Variants in DYNC1I2 observed in about 807,000 individuals in gnomAD.
The protein encoded by DYNC1I2 is dynein cytoplasmic 1 intermediate chain 2.
DYNC1I2 carries 53 observed loss-of-function variants against 88.6 expected under a neutral mutation model. That is an observed-to-expected ratio of 0.60 (90% CI 0.48 to 0.75). DYNC1I2 has a LOEUF of 0.75. Ranked by LOEUF, DYNC1I2 falls within the 30% of genes least tolerant of loss-of-function variation. The pLI is 0.00. For synonymous variants in DYNC1I2, 198 were observed against 254.6 expected, an observed-to-expected ratio of 0.78 and a Z score of 2.12; for missense variants, 458 against 766.6, an observed-to-expected ratio of 0.60 and a Z score of 4.75.
chr2:171,725,387 T>G (rs1688167953), intron 7 of DYNC1I2, among the ~76,000 whole-genome samples: 1 of 152,138 alleles, frequency 6.6e-6, no homozygotes, highest in African/African-American at 2.4e-5. Flanking sequence ...AGGTACCACA[T>G]AGGTATGTAT....
chr2:171,718,665 C>T (rs1380387356), intron 7 of DYNC1I2, among the ~76,000 whole-genome samples: 1 of 151,452 alleles, frequency 6.6e-6, no homozygotes, highest in East Asian at 2.0e-4. Context: ...GATCTCCTGA[C>T]CTCGTTATCC....
intron 5 of DYNC1I2, among the ~76,000 whole-genome samples, chr2:171,708,676 A>G (rs1212100421): frequency 6.6e-6 from 1 of 152,030 alleles, no homozygotes; most frequent in Non-Finnish European, 1.5e-5. Context: ...ATATTTTTAT[A>G]CAAATATGTC....
intron 7 of DYNC1I2, among the ~76,000 whole-genome samples, chr2:171,717,477 C>G (rs1203092074): frequency 6.6e-6 from 1 of 151,898 alleles, no homozygotes; most frequent in Non-Finnish European, 1.5e-5. Context: ...TTCATTCCTG[C>G]TGTTCCATTG....
chr2:171,718,573 A>G (rs1687680542), intron 7 of DYNC1I2, among the ~76,000 whole-genome samples: 1 of 152,044 alleles, frequency 6.6e-6, no homozygotes, highest in South Asian at 2.1e-4. Flanking sequence ...AGCTGGGACT[A>G]CAGGCACCCG....
intron 5 of DYNC1I2, among the ~76,000 whole-genome samples, chr2:171,710,502 G>A (rs1687037732): frequency 6.6e-6 from 1 of 152,134 alleles, no homozygotes; most frequent in Non-Finnish European, 1.5e-5. Flanking sequence ...AAAATATGCT[G>A]TCTAAACATG....
At chr2:171,718,390 C>G (rs1049734307) in intron 7 of DYNC1I2, among the ~76,000 whole-genome samples, 5 of 152,062 alleles carry the variant, frequency 3.3e-5, no homozygotes, top group Non-Finnish European at 7.4e-5. Flanking sequence ...CTGCTGTGTA[C>G]AACCCATTGT....
chr2:171,711,204 C>T (rs1441076064), intron 5 of DYNC1I2, among the ~76,000 whole-genome samples: 7 of 151,886 alleles, frequency 4.6e-5, no homozygotes, highest in South Asian at 2.1e-4. Context: ...GGTTTCATCG[C>T]GTTGGCCAGG....
At chr2:171,742,538 T>A (rs1689515884) in intron 15 of DYNC1I2, among the ~76,000 whole-genome samples, 1 of 152,200 alleles carries the variant, frequency 6.6e-6, no homozygotes, top group Non-Finnish European at 1.5e-5. Context: ...GACTATTCCT[T>A]TCCTATCTAA....
Position 171,715,241 on chromosome 2 carries a change from G to A in DYNC1I2, c.396-87G>A, listed in dbSNP as rs893109219. ...AAATGGATTGAAATTACAATGTTGGGTGCAAATGACTGTTTAATTCTTAAT... is the reference window on the plus strand; with the variant it reads ...AAATGGATTGAAATTACAATGTTGGATGCAAATGACTGTTTAATTCTTAAT... On this transcript the variant is annotated intron_variant, in intron 6 of 17. Coordinates refer to ENST00000397119, the MANE Select transcript of DYNC1I2 (RefSeq NM_001378.3). 1.1e-5 allele frequency: 8 copies of A among 741,762 alleles called. No homozygotes were observed. In the African/African-American group the frequency reaches 1.4e-4, roughly 13 times the overall value. The allele number at this position is 741,762 out of a possible 1,614,324, so 45.9% of individuals were successfully genotyped here. A position where few individuals can be genotyped will look rare whatever the true frequency, so the allele number is the denominator to read the frequency against.
At position 171,695,813 on chromosome 2, in the gene DYNC1I2, C is replaced by T. The variant is rs540345591; in HGVS notation, c.226+2919C>T. Among the ~76,000 whole-genome samples, 16 of 148,044 alleles carry T rather than the reference C, an allele frequency of 1.1e-4. 1 individual carries two copies. Among genetic ancestry groups the T allele is most frequent in the South Asian group, 2.1e-4 (1 of 4,724 alleles). ...AGAATGGCTACAAAGTTTACCCGCC[C>T]GCTACCAGTGCATGAAAAAGTAACT... is the stretch of plus-strand genomic sequence containing the variant. On this transcript the variant is annotated intron_variant, in intron 3 of 17. Transcript: ENST00000397119.
chr2:171,697,600 A>G (rs958607011), intron 3 of DYNC1I2, among the ~76,000 whole-genome samples: 14 of 151,728 alleles, frequency 9.2e-5, no homozygotes, highest in Admixed American at 7.2e-4. Context: ...ACGAAGAAAG[A>G]TATTTGGGAG....
At chr2:171,689,401 T>C (rs534405005) in intron 1 of DYNC1I2, among the ~76,000 whole-genome samples, 15 of 152,348 alleles carry the variant, frequency 9.8e-5, no homozygotes, top group African/African-American at 3.6e-4. Context: ...AAGTTCAGTT[T>C]GACCTATTGT....
In DYNC1I2 at chr2:171,725,682, T is replaced by C. The variant is rs771173640; in HGVS notation, c.576T>C (p.Thr192=). 2 of 1,579,956 alleles carry C rather than the reference T, an allele frequency of 1.3e-6. No individual in the cohort carries two copies. Among genetic ancestry groups the C allele is most frequent in the Admixed American group, 3.7e-5 (2 of 54,068 alleles). Residue 192 remains threonine (T), a synonymous_variant, in exon 8 of 18, where the codon ACT becomes ACC. Coordinates refer to ENST00000397119, the MANE Select transcript of DYNC1I2 (RefSeq NM_001378.3). ...CTATTGAACCTGAAGAAGAGAAAAC[T>C]TTAAAGAAAGATGAGGAAAATGATA... ...KPPIEPEEEK[T]LKKDEENDSK... is the part of the protein sequence containing the mutation.
At chr2:171,725,817 T>A in intron 8 of DYNC1I2, 102 bp from the exon 9 acceptor site, 1 of 1,297,026 alleles carries the variant, frequency 7.7e-7, no homozygotes, top group Non-Finnish European at 1.1e-6. Context: ...AATAAGTGAA[T>A]CTGATTGAAA....
intron 5 of DYNC1I2, among the ~76,000 whole-genome samples, chr2:171,710,872 T>A (rs559453750): frequency 6.6e-6 from 1 of 150,668 alleles, no homozygotes; most frequent in African/African-American, 2.5e-5. Context: ...CCAGCTACTT[T>A]TTTTTTTTTT....
At chr2:171,735,613 A>C (rs528389411) in intron 15 of DYNC1I2, among the ~76,000 whole-genome samples, 9 of 152,234 alleles carry the variant, frequency 5.9e-5, no homozygotes, top group Non-Finnish European at 1.3e-4. Context: ...TTAAACCAGT[A>C]AAGACAGGGC....
In DYNC1I2 at chr2:171,729,598, A is replaced by C. The variant is rs149702288; in HGVS notation, c.1392-111A>C. 588 of 1,101,124 alleles carry C rather than the reference A, an allele frequency of 5.3e-4. 2 individuals are homozygous for C. The African/African-American group carries it at 8.2e-3, about 15-fold the overall frequency. 68.2% of individuals were successfully genotyped at this position (1,101,124 alleles called of 1,614,324 possible). The stretch of plus-strand genomic sequence containing the variant: ...TCTGATAAGTTATGAGCACAGAGTT[A>C]AGTCTGTCAAAATGAAGTCAAGGCC... On this transcript the variant is annotated intron_variant, in intron 14 of 17. Coordinates refer to ENST00000397119, the MANE Select transcript of DYNC1I2 (RefSeq NM_001378.3).
intron 11 of DYNC1I2, among the ~76,000 whole-genome samples, chr2:171,727,219 T>C (rs543786915): frequency 6.6e-6 from 1 of 152,288 alleles, no homozygotes; most frequent in Non-Finnish European, 1.5e-5. Context: ...AAAATGTCTT[T>C]CCTACAGGGA....
intron 15 of DYNC1I2, among the ~76,000 whole-genome samples, chr2:171,737,404 C>G (rs1249171201): frequency 6.6e-6 from 1 of 152,144 alleles, no homozygotes; most frequent in Non-Finnish European, 1.5e-5. Context: ...ACTCAGCGTA[C>G]AACCTTAAAG....
Sources: gnomAD v4.1 joint callset for allele counts (sites outside exome capture counted in the v4.1 genomes callset) on GRCh38, gnomAD v4.1.1 for gene constraint, MANE v1.5 for transcripts, NCBI Gene and HGNC (gene_info 2026-07-23, HGNC 2026-07-21) for gene names.